The following MROH2A variants were observed in gnomAD, a reference collection of about 807,000 sequenced individuals.
MROH2A encodes maestro heat-like repeat-containing protein family member 2A.
A neutral mutation model predicts 200.4 loss-of-function variants in MROH2A; 174 were observed. The ratio of observed to expected loss-of-function variants is 0.87; its 90% CI spans 0.77 to 0.98. The LOEUF (loss-of-function observed/expected upper bound fraction) is 0.98, where lower values mean the gene tolerates loss of function less well. Ranked by LOEUF, MROH2A falls within the 50% of genes least tolerant of loss-of-function variation. The probability of loss-of-function intolerance (pLI) is 0.00; values close to 1 mark genes in which losing one functional copy is unlikely to be tolerated. For missense variants in MROH2A, 2,045 were observed against 2,139.6 expected, an observed-to-expected ratio of 0.96 and a Z score of 0.87; for synonymous variants, 829 against 840.4, an observed-to-expected ratio of 0.99 and a Z score of 0.23.
At chr2:233,793,516 TA>T (rs1008882221) in intron 6 of MROH2A, among the ~76,000 whole-genome samples, 156 bp from the exon 7 acceptor site, 1 of 151,234 alleles carries the variant, frequency 6.6e-6, no homozygotes, top group African/African-American at 2.4e-5. Flanking sequence ...GCACGCAGAG[TA>T]AAAATGAAGG....
intron 18 of MROH2A, among the ~76,000 whole-genome samples, 192 bp from the exon 19 acceptor site, chr2:233,804,812 G>A (rs1159533335): frequency 6.6e-6 from 1 of 152,188 alleles, no homozygotes; most frequent in Non-Finnish European, 1.5e-5. Context: ...CAGAGCCACA[G>A]CCATTCCTCA....
intron 39 of MROH2A, 101 bp from the exon 40 acceptor site, chr2:233,832,076 C>A: frequency 1.1e-6 from 1 of 951,102 alleles, no homozygotes; most frequent in South Asian, 1.5e-5. Context: ...GGGCGCTTGC[C>A]CTCTCTGATG....
chr2:233,810,914 G>A lies in MROH2A; in HGVS notation c.2569G>A (p.Val857Met), dbSNP rs769344590. ...GAAGACGACTCTTACCAGCATTATA[G>A]TGGTAAGCTGGGTGGGGCACCTCCT... ...AQKTTLTSII[V>M]AVIKAEPTDN... Residue 857 changes from valine (V) to methionine (M), a missense_variant and splice_region_variant, in exon 23 of 42, where the codon GTG (valine) becomes ATG (methionine). Val to Met is a conservative substitution (Grantham distance 21). This residue lies in a region of MROH2A where 1,201 missense variants were observed against 1,311.3 expected (regional missense o/e 0.92). Transcript: ENST00000389758. The A allele has an allele frequency of 5.8e-6, 9 of 1,549,796 alleles. No individual in the cohort carries two copies. The African/African-American group carries it at 8.2e-5, about 14-fold the overall frequency.
At chr2:233,825,921 C>CT (rs34849761) in intron 35 of MROH2A, among the ~76,000 whole-genome samples, 13,666 of 95,066 alleles carry the variant, frequency 0.14, 1,626 homozygotes, top group African/African-American at 0.29. Flanking sequence ...TTTCTTTTTC[C>CT]TTTTTTTTTT....
chr2:233,797,081 C>G (rs868398177), intron 11 of MROH2A, among the ~76,000 whole-genome samples: 2 of 152,210 alleles, frequency 1.3e-5, no homozygotes, highest in African/African-American at 2.4e-5. Flanking sequence ...GACAATTACT[C>G]AGCTCTACCA....
In MROH2A at chr2:233,822,959, A is replaced by T. The variant is rs1704048540; in HGVS notation, c.3945A>T (p.Ala1315=). ...TGGCACATACCCTGGACGAGCAGGCAGTGTGGGACCTCCTGCAGGACGGCG... is the reference window on the plus strand; with the variant it reads ...TGGCACATACCCTGGACGAGCAGGCTGTGTGGGACCTCCTGCAGGACGGCG... The part of the protein sequence containing the change: ...QHLAHTLDEQ[A]VWDLLQDGGT... Residue 1315 remains alanine, a synonymous_variant, in exon 34 of 42, where the codon GCA becomes GCT. Coordinates refer to ENST00000389758, the MANE Select transcript of MROH2A (RefSeq NM_001394639.1). 7.7e-6 allele frequency: 12 copies of T among 1,550,616 alleles called. No homozygotes were observed. Among genetic ancestry groups the T allele is most frequent in the Non-Finnish European group, 1.0e-5 (12 of 1,146,964 alleles).
chr2:233,791,060 A>G (rs1287029238), intron 5 of MROH2A, among the ~76,000 whole-genome samples: 1 of 152,228 alleles, frequency 6.6e-6, no homozygotes, highest in Admixed American at 6.5e-5. Flanking sequence ...GCTCTGGGGC[A>G]GAGAAGAGCT....
At chr2:233,791,549 G>A (rs2126105161) in intron 5 of MROH2A, among the ~76,000 whole-genome samples, 1 of 152,258 alleles carries the variant, frequency 6.6e-6, no homozygotes, top group African/African-American at 2.4e-5. Context: ...TCAGAGGGCA[G>A]GTCTGGGCTT....
intron 27 of MROH2A, 45 bp from the exon 28 acceptor site, chr2:233,817,957 C>CA (rs1192325256): frequency 6.5e-7 from 1 of 1,548,916 alleles, no homozygotes; most frequent in East Asian, 2.4e-5. Context: ...CCCAGGTGTG[C>CA]ATGAGAGCAC....
rs1702877299 is a variant in MROH2A, at chr2:233,807,504, C to T, written c.2134C>T (p.Leu712=). The T allele has an allele frequency of 1.3e-6, 2 of 1,550,618 alleles. No individual in the cohort carries two copies. Among genetic ancestry groups the T allele is most frequent in the Non-Finnish European group, 1.7e-6 (2 of 1,147,006 alleles). Residue 712 remains leucine (L), a synonymous_variant, in exon 20 of 42, where the codon CTG becomes TTG. Coordinates refer to ENST00000389758, the MANE Select transcript of MROH2A (RefSeq NM_001394639.1). This position sits in a 1 kb window ranked among gnomAD's most constrained non-coding sequence, Gnocchi z 4.3. ...SKVEVLLLEL[L]YKTDYSNDFD... is the part of the protein sequence containing the mutation. ...GGTGGAGGTCCTGCTGTTGGAGCTG[C>T]TGTACAAGACGGACTACAGCAATGA...
intron 33 of MROH2A, 71 bp from the exon 34 acceptor site, chr2:233,822,810 G>A: frequency 6.6e-7 from 1 of 1,524,588 alleles, no homozygotes; most frequent in South Asian, 1.2e-5. Flanking sequence ...CCACTTCACA[G>A]ATTGCAGCAG....
chr2:233,786,381 G>A (rs915220104), intron 3 of MROH2A, among the ~76,000 whole-genome samples: 2 of 152,214 alleles, frequency 1.3e-5, no homozygotes, highest in African/African-American at 4.8e-5. Flanking sequence ...GTGTCCTCAC[G>A]TGGCTCTCCT....
intron 19 of MROH2A, among the ~76,000 whole-genome samples, chr2:233,806,008 G>A (rs1294764622): frequency 6.6e-6 from 1 of 152,102 alleles, no homozygotes; most frequent in Non-Finnish European, 1.5e-5. Context: ...GTTAGGCAAA[G>A]CCTTCTTAGA....
chr2:233,807,928 C>A lies in MROH2A; in HGVS notation c.2295+73C>A. ...GTGCTCTGGGCACTGACACAAAGTC[C>A]TTTCTAGATCTCAGTAGGAAACTTG... On this transcript the variant is annotated intron_variant, in intron 21 of 41. Coordinates refer to ENST00000389758, the MANE Select transcript of MROH2A (RefSeq NM_001394639.1). This position sits in a 1 kb window ranked among gnomAD's most constrained non-coding sequence, Gnocchi z 4.3. The A allele has an allele frequency of 6.5e-7, 1 of 1,533,944 alleles. No individual in the cohort carries two copies. The highest frequency in any genetic ancestry group is 2.5e-5 in the East Asian group (1 of 40,720).
At chr2:233,801,934 TG>T (rs547364751) in intron 14 of MROH2A, among the ~76,000 whole-genome samples, 2 of 152,200 alleles carry the variant, frequency 1.3e-5, no homozygotes, top group Non-Finnish European at 2.9e-5. Flanking sequence ...GCAACAGGGA[TG>T]CTGGCCCCAG....
At position 233,807,853 on chromosome 2, in the gene MROH2A, C is replaced by T. The variant is rs868288839; in HGVS notation, c.2293C>T (p.Arg765Trp). 1.1e-4 allele frequency: 163 copies of T among 1,550,914 alleles called. No homozygotes were observed. Among genetic ancestry groups the T allele is most frequent in the African/African-American group, 1.5e-4 (11 of 73,166 alleles). ...GCAGTCCTGGCAGATCAGTGCTTGGCGGGTAAGCCACCTTCCCTCCACAAC... is the reference window on the plus strand; with the variant it reads ...GCAGTCCTGGCAGATCAGTGCTTGGTGGGTAAGCCACCTTCCCTCCACAAC... ...SEQSWQISAW[R>W]KDHPWRRETV... The change falls in exon 21 of 42, where the codon CGG becomes TGG. Residue 765 changes from arginine (R) to tryptophan (W), a missense_variant and splice_region_variant. Physicochemically the swap from Arg to Trp is moderately radical, Grantham distance 101. This residue lies in a region of MROH2A where 1,201 missense variants were observed against 1,311.3 expected (regional missense o/e 0.92). Transcript: ENST00000389758. This position sits in a 1 kb window ranked among gnomAD's most constrained non-coding sequence, Gnocchi z 4.3.
At chr2:233,817,899 A>G (rs1703648605) in intron 27 of MROH2A, 103 bp from the exon 28 acceptor site, 1 of 1,386,020 alleles carries the variant, frequency 7.2e-7, no homozygotes, top group African/African-American at 1.4e-5. Context: ...GGTGTTTCAG[A>G]GCAGGGTTTG....
intron 26 of MROH2A, among the ~76,000 whole-genome samples, chr2:233,816,372 G>T (rs576364480): frequency 6.6e-6 from 1 of 152,290 alleles, no homozygotes; most frequent in South Asian, 2.1e-4. Context: ...GTTATTAGGT[G>T]CATAAACATT....
rs1703987091 is a variant in MROH2A at position 233,822,193 on chromosome 2, G to C, written c.3582G>C (p.Leu1194=). The change falls in exon 32 of 42, where the codon CTG becomes CTC. Residue 1194 remains leucine, a synonymous_variant. Coordinates refer to ENST00000389758, the MANE Select transcript of MROH2A (RefSeq NM_001394639.1). ...TCGCCCGGACCATGCTCCACAGCCTGATGGGCCGGCTGCAGTCACGGCTCA... is the reference window on the plus strand; with the variant it reads ...TCGCCCGGACCATGCTCCACAGCCTCATGGGCCGGCTGCAGTCACGGCTCA... ...VPFARTMLHS[L]MGRLQSRLSP... is the part of the protein sequence containing the mutation. 1 of 1,549,454 alleles carries C rather than the reference G, an allele frequency of 6.5e-7. No individual in the cohort carries two copies. The highest frequency in any genetic ancestry group is 2.0e-5 in the Admixed American group (1 of 51,008).
Sources: allele counts gnomAD v4.1 joint callset (sites outside exome capture counted in the v4.1 genomes callset), GRCh38; gene constraint gnomAD v4.1.1; regional missense constraint gnomAD v4.1.1; non-coding constraint Gnocchi (gnomAD v3.1); transcripts MANE v1.5; gene names NCBI Gene and HGNC (gene_info 2026-07-23, HGNC 2026-07-21).